Variants in DSP observed in about 807,000 individuals in gnomAD.
DSP encodes the protein desmoplakin, also known as 250/210 kDa paraneoplastic pemphigus antigen.
In DSP, 114 loss-of-function variants were observed where a neutral mutation model predicts 290.6. That is an observed-to-expected ratio of 0.39 (90% confidence interval 0.34 to 0.46). The LOEUF (loss-of-function observed/expected upper bound fraction) is 0.46. Ranked by LOEUF, DSP falls within the 20% of genes least tolerant of loss-of-function variation. The probability of loss-of-function intolerance (pLI) is 0.99; values close to 1 mark genes in which losing one functional copy is unlikely to be tolerated. For synonymous variants in DSP, 1,311 were observed against 1,316.4 expected (o/e 1.00, Z 0.09); for missense variants, 3,230 against 3,495.8 (o/e 0.92, Z 1.92).
chr6:7,542,750 C>T (rs1224575081), intron 1 of DSP, among the ~76,000 whole-genome samples: 1 of 152,224 alleles, frequency 6.6e-6, no homozygotes, highest in African/African-American at 2.4e-5. Context: ...TCTCGAAGTT[C>T]GGCCGGGACG....
chr6:7,557,715 A>T, intron 2 of DSP, among the ~76,000 whole-genome samples: 1 of 152,040 alleles, frequency 6.6e-6, no homozygotes, highest in East Asian at 1.9e-4. Flanking sequence ...AAGAACTAAA[A>T]CATTATGTTC....
chr6:7,575,280 T>C lies in DSP; in HGVS notation c.2437-15T>C, dbSNP rs1202366943. ...AAGGGATTAATTTGCAATCTTTTTTTTTTTCATCTTGCAGAAAATAAAAAA... is the reference window on the plus strand; with the variant it reads ...AAGGGATTAATTTGCAATCTTTTTTCTTTTCATCTTGCAGAAAATAAAAAA... On this transcript the variant is annotated splice_polypyrimidine_tract_variant and intron_variant, in intron 17 of 23. Transcript: ENST00000379802. 2.5e-6 allele frequency: 4 copies of C among 1,613,990 alleles called. No individual in the cohort carries two copies. The highest frequency in any genetic ancestry group is 3.4e-6 in the Non-Finnish European group (4 of 1,179,894).
chr6:7,561,075 C>A (rs1250481709), intron 4 of DSP, among the ~76,000 whole-genome samples: 1 of 151,992 alleles, frequency 6.6e-6, no homozygotes, highest in African/African-American at 2.4e-5. Context: ...CTTCAGCCTG[C>A]CGAGTATCTG....
intron 8 of DSP, 87 bp downstream of exon 8, chr6:7,566,568 C>A: frequency 9.2e-7 from 1 of 1,091,804 alleles, no homozygotes; most frequent in Non-Finnish European, 1.3e-6. Context: ...TCTTATATGA[C>A]TTAAAGCCGT....
chr6:7,556,816 G>A (rs898781362), intron 2 of DSP, among the ~76,000 whole-genome samples: 3 of 152,178 alleles, frequency 2.0e-5, no homozygotes, highest in African/African-American at 7.2e-5. Flanking sequence ...TGTTTCGAGT[G>A]TCTGATTTGA....
In DSP at chr6:7,571,375, C is replaced by T; in HGVS notation, c.1702-8C>T. On this transcript the variant is annotated splice_region_variant and splice_polypyrimidine_tract_variant and intron_variant, in intron 13 of 23. Coordinates refer to ENST00000379802, the MANE Select transcript of DSP (RefSeq NM_004415.4). The stretch of plus-strand genomic sequence containing the variant: ...AATCCCAAATCACTTCTGCCTGTCT[C>T]CTTTCAGCTGAAAACAATGCGGCAG... The T allele has an allele frequency of 6.2e-7, 1 of 1,614,140 alleles. No homozygotes were observed. The highest frequency in any genetic ancestry group is 1.1e-5 in the South Asian group (1 of 91,082).
At position 7,541,872 on chromosome 6, in the gene DSP, G is replaced by A. The variant is rs1041217575; in HGVS notation, c.-44G>A. 16 of 1,579,912 alleles carry A rather than the reference G, an allele frequency of 1.0e-5. No homozygotes were observed. Among genetic ancestry groups the A allele is most frequent in the Non-Finnish European group, 1.3e-5 (15 of 1,165,148 alleles). On this transcript the variant is annotated 5_prime_UTR_variant, in exon 1 of 24. Transcript: ENST00000379802. ...CGCTTTCTCCGCGCCGGCCCGCCTCGCTTATGCCTCGGCGCTGAGCCGCTC... is the reference window on the plus strand; with the variant it reads ...CGCTTTCTCCGCGCCGGCCCGCCTCACTTATGCCTCGGCGCTGAGCCGCTC...
rs767197002 is a variant in DSP, at chr6:7,571,934, A to G, written c.1996A>G (p.Thr666Ala). The part of the protein sequence containing the change: ...ETNRENDKQE[T>A]WMLMELQKIR... ...CAACAGAGAAAATGACAAGCAAGAA[A>G]CATGGATGCTGATGGAGCTGCAGAA... is the stretch of plus-strand genomic sequence containing the variant. Residue 666 changes from threonine to alanine, a missense_variant, in exon 15 of 24, where the codon ACA becomes GCA. By Grantham distance (58) the Thr-to-Ala change is moderately conservative. This residue lies in a region of DSP where 1,714 missense variants were observed against 1,844.5 expected (regional missense o/e 0.93). Transcript: ENST00000379802. 1.2e-6 allele frequency: 2 copies of G among 1,614,208 alleles called. No homozygotes were observed. Among genetic ancestry groups the G allele is most frequent in the Non-Finnish European group, 1.7e-6 (2 of 1,180,042 alleles).
intron 19 of DSP, among the ~76,000 whole-genome samples, 164 bp downstream of exon 19, chr6:7,576,620 A>C (rs1363091979): frequency 6.6e-6 from 1 of 152,224 alleles, no homozygotes; most frequent in African/African-American, 2.4e-5. Context: ...AAAGCAACTG[A>C]GATGTTTACA....
chr6:7,555,298 T>C (rs1758474190), intron 1 of DSP, among the ~76,000 whole-genome samples: 2 of 152,226 alleles, frequency 1.3e-5, no homozygotes, highest in Admixed American at 6.5e-5. Context: ...TTTGTGTCAA[T>C]TGTAAATTTT....
intron 1 of DSP, among the ~76,000 whole-genome samples, chr6:7,553,824 T>A (rs1758409269): frequency 6.6e-6 from 1 of 152,140 alleles, no homozygotes. Flanking sequence ...GAGGAGCCTG[T>A]GTCTTCTTCT....
chr6:7,581,452 C>A lies in DSP; in HGVS notation c.5262C>A (p.Ser1754Arg). Residue 1754 changes from serine to arginine, a missense_variant, in exon 23 of 24, where the codon AGC becomes AGA. By Grantham distance (110) the Ser-to-Arg change is moderately radical. This residue lies in a region of DSP where 1,714 missense variants were observed against 1,844.5 expected (regional missense o/e 0.93). Transcript: ENST00000379802. ...ATGCAACCATCTTGGAACTAAGGAGCCAGCTGCAGATCAGCAACAACCGGA... is the reference window on the plus strand; with the variant it reads ...ATGCAACCATCTTGGAACTAAGGAGACAGCTGCAGATCAGCAACAACCGGA... ...DKNATILELRSQLQISNNRTL... is the reference protein window; with the variant it reads ...DKNATILELRRQLQISNNRTL... 6.2e-7 allele frequency: 1 copy of A among 1,612,426 alleles called. No homozygotes were observed. Among genetic ancestry groups the A allele is most frequent in the Non-Finnish European group, 8.5e-7 (1 of 1,179,320 alleles).
chr6:7,559,473 TTG>T, intron 4 of DSP, 73 bp downstream of exon 4: 1 of 1,595,092 alleles, frequency 6.3e-7, no homozygotes, highest in Non-Finnish European at 8.6e-7. Context: ...GCCCATGTGT[TTG>T]TGTGACAAAG....
chr6:7,557,635 G>A (rs1758538992), intron 2 of DSP, among the ~76,000 whole-genome samples: 1 of 152,172 alleles, frequency 6.6e-6, no homozygotes, highest in African/African-American at 2.4e-5. Context: ...AGCTGAGATC[G>A]TGCCACTGCA....
At position 7,586,452 on chromosome 6, in the gene DSP, C is replaced by A. The variant is rs1240453516; in HGVS notation, c.*574C>A. The A allele has an allele frequency of 1.3e-5, 2 of 152,314 alleles. No individual in the cohort carries two copies. The highest frequency in any genetic ancestry group is 4.8e-5 in the African/African-American group (2 of 41,424). The allele number at this position is 152,314 out of a possible 1,614,324, so 9.4% of individuals were successfully genotyped here. ...TTGGTTTGGTATTAATTTGACTGTGCATGACAGCGGCAATCTTTTCTTTGG... is the reference window on the plus strand; with the variant it reads ...TTGGTTTGGTATTAATTTGACTGTGAATGACAGCGGCAATCTTTTCTTTGG... On this transcript the variant is annotated 3_prime_UTR_variant, in exon 24 of 24. Transcript: ENST00000379802.
At chr6:7,575,196 A>G in intron 17 of DSP, 99 bp from the exon 18 acceptor site, 1 of 1,118,886 alleles carries the variant, frequency 8.9e-7, no homozygotes, top group Non-Finnish European at 1.3e-6. Context: ...AATATTCTAA[A>G]GTGTTTTATA....
At chr6:7,572,352 G>A (rs530131719) in intron 15 of DSP, among the ~76,000 whole-genome samples, 2 of 152,250 alleles carry the variant, frequency 1.3e-5, no homozygotes, top group East Asian at 3.9e-4. Context: ...CCTATGATAT[G>A]GGTTAGACAG....
chr6:7,549,756 GGAGA>G, intron 1 of DSP, among the ~76,000 whole-genome samples: 1 of 152,132 alleles, frequency 6.6e-6, no homozygotes, highest in South Asian at 2.1e-4. Flanking sequence ...CAAAAGAAGA[GGAGA>G]GAGAGGAAGG....
Position 7,584,834 on chromosome 6 carries a change from A to C in DSP, c.7572A>C (p.Thr2524=). The C allele has an allele frequency of 6.2e-7, 1 of 1,614,212 alleles. No individual in the cohort carries two copies. The highest frequency in any genetic ancestry group is 2.2e-5 in the East Asian group (1 of 44,880). ...STRVVLVDRK[T]GSQYDIQDAI... Reference sequence around the variant, plus strand: ...GGGTGGTCCTGGTAGATAGAAAGACAGGCAGTCAGTATGATATTCAAGATG... The same window carrying C: ...GGGTGGTCCTGGTAGATAGAAAGACCGGCAGTCAGTATGATATTCAAGATG... The change falls in exon 24 of 24, where the codon ACA becomes ACC. Residue 2524 remains threonine (T), a synonymous_variant. Coordinates refer to ENST00000379802, the MANE Select transcript of DSP (RefSeq NM_004415.4). This position sits in a 1 kb window ranked among gnomAD's most constrained non-coding sequence, Gnocchi z 6.4.
Sources: gnomAD v4.1 joint callset for allele counts (sites outside exome capture counted in the v4.1 genomes callset) on GRCh38, gnomAD v4.1.1 for gene constraint, gnomAD v4.1.1 regional missense constraint, Gnocchi (gnomAD v3.1) non-coding constraint, MANE v1.5 for transcripts, NCBI Gene and HGNC (gene_info 2026-07-23, HGNC 2026-07-21) for gene names.